Variants in KCNN4 observed in about 807,000 individuals in gnomAD.
KCNN4 encodes intermediate conductance calcium-activated potassium channel protein 4.
Under a neutral mutation model 45.2 loss-of-function variants are expected in KCNN4, and 31 were observed. The ratio of observed to expected loss-of-function variants is 0.69; its 90% CI spans 0.52 to 0.92. The LOEUF (loss-of-function observed/expected upper bound fraction) is 0.92. Ranked by LOEUF, KCNN4 falls within the 40% of genes least tolerant of loss-of-function variation. The pLI is 0.00. For synonymous variants in KCNN4, 231 were observed against 254.6 expected (o/e 0.91, Z 0.88); for missense variants, 463 against 574.0 (o/e 0.81, Z 1.98).
chr19:43,778,225 G>A (rs1224320576), intron 1 of KCNN4, among the ~76,000 whole-genome samples: 1 of 143,932 alleles, frequency 6.9e-6, no homozygotes, highest in Non-Finnish European at 1.5e-5. Context: ...TGTGTTTTGA[G>A]GGTCTTTGTT....
intron 2 of KCNN4, 41 bp downstream of exon 2, chr19:43,776,500 G>C (rs199991112): frequency 2.3e-6 from 3 of 1,332,946 alleles, no homozygotes; most frequent in South Asian, 2.3e-5. Flanking sequence ...GGCGCTGAGG[G>C]GGTTGGAGGG....
rs748647374 is a variant in KCNN4 at position 43,774,259 on chromosome 19, G to A, written c.616C>T (p.Arg206Cys). Residue 206 changes from arginine to cysteine, a missense_variant, in exon 3 of 9, where the codon CGC becomes TGC. Physicochemically the swap from Arg to Cys is radical, Grantham distance 180 (BLOSUM62 -3). Around this residue, in one of 3 missense-constraint regions of KCNN4, gnomAD observed 109 missense variants for 183.7 expected, o/e 0.59. Transcript: ENST00000648319. The surrounding 1 kb of genome is among the most constrained non-coding windows in gnomAD (Gnocchi z 5.6). ...AKLYMNTHPGRLLLGLTLGLW... is the reference protein window; with the variant it reads ...AKLYMNTHPGCLLLGLTLGLW... ...CCAAGCGTGAGGCCGAGCAGCAGGCGGCCAGGGTGCGTGTTCATGTAAAGC... is the reference window on the plus strand; with the variant it reads ...CCAAGCGTGAGGCCGAGCAGCAGGCAGCCAGGGTGCGTGTTCATGTAAAGC... The A allele has an allele frequency of 1.9e-6, 3 of 1,612,816 alleles. No homozygotes were observed. The highest frequency in any genetic ancestry group is 3.3e-5 in the Admixed American group (2 of 59,868).
intron 1 of KCNN4, among the ~76,000 whole-genome samples, chr19:43,779,310 G>A (rs531866913): frequency 3.9e-5 from 6 of 152,114 alleles, no homozygotes; most frequent in Non-Finnish European, 5.9e-5. Flanking sequence ...TGGGAGCGGC[G>A]GGCAGGCCCC....
Position 43,780,960 on chromosome 19 carries a change from G to T in KCNN4, c.-99C>A. ...ACTGTGGCTTGCAGGTCGTCAGCCTGCTCTGCTGGCTCTGGGACTTTTGCT... is the reference window on the plus strand; with the variant it reads ...ACTGTGGCTTGCAGGTCGTCAGCCTTCTCTGCTGGCTCTGGGACTTTTGCT... On this transcript the variant is annotated 5_prime_UTR_variant, in exon 1 of 9. Coordinates refer to ENST00000648319, the MANE Select transcript of KCNN4 (RefSeq NM_002250.3). 3 of 1,202,464 alleles carry T rather than the reference G, an allele frequency of 2.5e-6. No homozygotes were observed. Among genetic ancestry groups the T allele is most frequent in the Non-Finnish European group, 3.6e-6 (3 of 840,358 alleles). The allele number at this position is 1,202,464 out of a possible 1,614,324, so 74.5% of individuals were successfully genotyped here. A position where few individuals can be genotyped will look rare whatever the true frequency, so the allele number is the denominator to read the frequency against.
Position 43,780,794 on chromosome 19 carries a change from T to A in KCNN4, c.68A>T (p.Lys23Met). ...RRRKRLLEQEKSLAGWALVLA... is the reference protein window; with the variant it reads ...RRRKRLLEQEMSLAGWALVLA... ...CACCAGTGCCCAGCCGGCCAGAGACTTCTCCTGCTCCAGCAAGCGCTTTCG... is the reference window on the plus strand; with the variant it reads ...CACCAGTGCCCAGCCGGCCAGAGACATCTCCTGCTCCAGCAAGCGCTTTCG... The change falls in exon 1 of 9, where the codon AAG (lysine) becomes ATG (methionine). Residue 23 changes from lysine to methionine, a missense_variant. Coordinates refer to ENST00000648319, the MANE Select transcript of KCNN4 (RefSeq NM_002250.3). The A allele has an allele frequency of 6.2e-7, 1 of 1,613,900 alleles. No individual in the cohort carries two copies. The highest frequency in any genetic ancestry group is 8.5e-7 in the Non-Finnish European group (1 of 1,179,958).
intron 4 of KCNN4, among the ~76,000 whole-genome samples, chr19:43,770,365 C>T (rs1461417922): frequency 6.6e-6 from 1 of 152,168 alleles, no homozygotes; most frequent in Non-Finnish European, 1.5e-5. Context: ...GACAACTCAG[C>T]CCTGGCTCCA....
At chr19:43,776,914 T>C (rs906643124) in intron 1 of KCNN4, 9 of 372,032 alleles carry the variant, frequency 2.4e-5, no homozygotes, top group African/African-American at 1.9e-4. Context: ...CTGGCCAACA[T>C]GGTGAAACCC....
Position 43,774,058 on chromosome 19 carries a change from G to C in KCNN4, c.683+134C>G, listed in dbSNP as rs992843536. 26 of 950,732 alleles carry C rather than the reference G, an allele frequency of 2.7e-5. No homozygotes were observed. The highest frequency in any genetic ancestry group is 3.6e-5 in the Non-Finnish European group (23 of 643,214). 58.9% of individuals were successfully genotyped at this position (950,732 alleles called of 1,614,324 possible). On this transcript the variant is annotated intron_variant, in intron 3 of 8. Coordinates refer to ENST00000648319, the MANE Select transcript of KCNN4 (RefSeq NM_002250.3). The surrounding 1 kb of genome is among the most constrained non-coding windows in gnomAD (Gnocchi z 5.6). ...AGTGTGGGCAAATTTCAGCCAGCAA[G>C]AGGAGAAGGGGTCAAAGTGTGAACT...
intron 8 of KCNN4, chr19:43,767,295 G>C (rs1026732678): frequency 1.9e-6 from 1 of 521,524 alleles, no homozygotes; most frequent in African/African-American, 1.9e-5. Context: ...CAGGCAGAGA[G>C]AGAGAGAGAG....
chr19:43,771,558 C>T (rs564291312), intron 4 of KCNN4, among the ~76,000 whole-genome samples: 74 of 152,170 alleles, frequency 4.9e-4, no homozygotes, highest in African/African-American at 1.7e-3. Flanking sequence ...GGCTGGGAGA[C>T]GATTTCCCAG....
In KCNN4 at chr19:43,774,058, G is replaced by T; in HGVS notation, c.683+134C>A. ...AGTGTGGGCAAATTTCAGCCAGCAA[G>T]AGGAGAAGGGGTCAAAGTGTGAACT... On this transcript the variant is annotated intron_variant, in intron 3 of 8. Transcript: ENST00000648319. The surrounding 1 kb of genome is among the most constrained non-coding windows in gnomAD (Gnocchi z 5.6). 1.1e-6 allele frequency: 1 copy of T among 950,848 alleles called. No homozygotes were observed. The highest frequency in any genetic ancestry group is 1.6e-6 in the Non-Finnish European group (1 of 643,204). The allele number at this position is 950,848 out of a possible 1,614,324, so 58.9% of individuals were successfully genotyped here.
rs1249075613 is a variant in KCNN4 at position 43,767,713 on chromosome 19, T to A, written c.1120-6A>T. The A allele has an allele frequency of 6.2e-7, 1 of 1,614,028 alleles. No individual in the cohort carries two copies. The highest frequency in any genetic ancestry group is 1.1e-5 in the South Asian group (1 of 91,078). On this transcript the variant is annotated splice_region_variant and splice_polypyrimidine_tract_variant and intron_variant, in intron 7 of 8. Coordinates refer to ENST00000648319, the MANE Select transcript of KCNN4 (RefSeq NM_002250.3). Reference sequence around the variant, plus strand: ...TCATACAGGATCATGTGCATCTGGGTGGGAGGAGAGGATCAGAGGTGTCGG... The same window carrying A: ...TCATACAGGATCATGTGCATCTGGGAGGGAGGAGAGGATCAGAGGTGTCGG...
chr19:43,774,346 C>CG lies in KCNN4; in HGVS notation c.528dup (p.Ala177ArgfsTer56). 2 of 1,610,130 alleles carry CG rather than the reference C, an allele frequency of 1.2e-6. No individual in the cohort carries two copies. Among genetic ancestry groups the CG allele is most frequent in the Non-Finnish European group, 1.7e-6 (2 of 1,178,272 alleles). ...AGAGCGCCGATGCTGCGGTAGGAAG[C>CG]GTTGAGCAGGACGCCGCTGCGCAGG... On this transcript the variant is annotated frameshift_variant, in exon 3 of 9. Transcript: ENST00000648319. LOFTEE classifies it high-confidence loss of function. The surrounding 1 kb of genome is among the most constrained non-coding windows in gnomAD (Gnocchi z 5.6).
chr19:43,769,832 G>T lies in KCNN4; in HGVS notation c.820-3C>A. On this transcript the variant is annotated splice_polypyrimidine_tract_variant and splice_region_variant and intron_variant, in intron 4 of 8. Coordinates refer to ENST00000648319, the MANE Select transcript of KCNN4 (RefSeq NM_002250.3). This position sits in a 1 kb window ranked among gnomAD's most constrained non-coding sequence, Gnocchi z 4.4. Reference sequence around the variant, plus strand: ...AGCAGGGCTGTGCAGCAGACACCCTGTGGGCACAGCAGGCACCGTGGCATG... The same window carrying T: ...AGCAGGGCTGTGCAGCAGACACCCTTTGGGCACAGCAGGCACCGTGGCATG... The T allele has an allele frequency of 6.2e-7, 1 of 1,607,252 alleles. No homozygotes were observed. Among genetic ancestry groups the T allele is most frequent in the Non-Finnish European group, 8.5e-7 (1 of 1,176,712 alleles).
chr19:43,775,063 C>T (rs1049539635), intron 2 of KCNN4, among the ~76,000 whole-genome samples: 1 of 152,238 alleles, frequency 6.6e-6, no homozygotes, highest in African/African-American at 2.4e-5. Flanking sequence ...CGATGGCTTA[C>T]GCCTGTAATC....
intron 4 of KCNN4, among the ~76,000 whole-genome samples, chr19:43,771,391 A>C (rs1201593945): frequency 6.6e-6 from 1 of 152,168 alleles, no homozygotes; most frequent in Non-Finnish European, 1.5e-5. Context: ...GAGGAGCATC[A>C]GCATCCCCAT....
chr19:43,769,930 G>C lies in KCNN4; in HGVS notation c.820-101C>G, dbSNP rs1234389392. The C allele has an allele frequency of 5.4e-6, 4 of 743,284 alleles. No homozygotes were observed. Among genetic ancestry groups the C allele is most frequent in the Non-Finnish European group, 9.2e-6 (4 of 436,390 alleles). The allele number at this position is 743,284 out of a possible 1,614,324, so 46.0% of individuals were successfully genotyped here. On this transcript the variant is annotated intron_variant, in intron 4 of 8. Coordinates refer to ENST00000648319, the MANE Select transcript of KCNN4 (RefSeq NM_002250.3). The surrounding 1 kb of genome is among the most constrained non-coding windows in gnomAD (Gnocchi z 4.4). Reference sequence around the variant, plus strand: ...CGGTAGGCACGACCATCCCCAGTTAGCAGACAAGCAAAGAGGCTCAGAGAG... The same window carrying C: ...CGGTAGGCACGACCATCCCCAGTTACCAGACAAGCAAAGAGGCTCAGAGAG...
chr19:43,776,412 T>C (rs1969806036), intron 2 of KCNN4, 129 bp downstream of exon 2: 1 of 679,796 alleles, frequency 1.5e-6, no homozygotes, highest in South Asian at 1.7e-5. Context: ...GGTGAGGGTG[T>C]GGACGCAGCA....
At chr19:43,768,879 G>C (rs1485401744) in intron 7 of KCNN4, 84 bp downstream of exon 7, 15 of 1,375,814 alleles carry the variant, frequency 1.1e-5, no homozygotes, top group Non-Finnish European at 1.6e-5. Context: ...CCCTGCCAAG[G>C]TTCCCTGTTC....
Sources: allele counts gnomAD v4.1 joint callset (sites outside exome capture counted in the v4.1 genomes callset), GRCh38; gene constraint gnomAD v4.1.1; regional missense constraint gnomAD v4.1.1; non-coding constraint Gnocchi (gnomAD v3.1); transcripts MANE v1.5; gene names NCBI Gene and HGNC (gene_info 2026-07-23, HGNC 2026-07-21).